Variants in IL18RAP observed in about 807,000 individuals in gnomAD.
The protein encoded by IL18RAP is interleukin 18 receptor accessory protein, also known as interleukin-18 receptor accessory protein.
A neutral mutation model predicts 58.1 loss-of-function variants in IL18RAP; 37 were observed. The ratio of observed to expected loss-of-function variants is 0.64; its 90% CI spans 0.49 to 0.84. IL18RAP has a LOEUF of 0.84. IL18RAP is among the 40% of genes least tolerant of loss of function. The probability of loss-of-function intolerance (pLI) is 0.00; values close to 1 mark genes in which losing one functional copy is unlikely to be tolerated. For synonymous variants in IL18RAP, 268 were observed against 257.5 expected, an observed-to-expected ratio of 1.04 and a Z score of -0.39; for missense variants, 667 against 704.8, an observed-to-expected ratio of 0.95 and a Z score of 0.61.
rs1683462053 is a variant in IL18RAP, at chr2:102,446,999, G to C, written c.1073-71G>C. ...GAAAAGGTGCTGGGTGGGCCATAGC[G>C]CCGGCCTGAACATGGTCTTGGTCCA... On this transcript the variant is annotated intron_variant, in intron 7 of 9. Coordinates refer to ENST00000687160, the MANE Select transcript of IL18RAP (RefSeq NM_001393487.1). 3 of 1,502,460 alleles carry C rather than the reference G, an allele frequency of 2.0e-6. No individual in the cohort carries two copies. In the South Asian group the frequency reaches 3.8e-5, roughly 19 times the overall value. The allele number at this position is 1,502,460 out of a possible 1,614,324, so 93.1% of individuals were successfully genotyped here.
intron 4 of IL18RAP, among the ~76,000 whole-genome samples, chr2:102,438,560 AT>A (rs1415907923): frequency 9.9e-5 from 15 of 152,284 alleles, no homozygotes; most frequent in African/African-American, 3.4e-4. Context: ...GTGATGTGTA[AT>A]TGTTCTTTAA....
At chr2:102,445,495 C>T (rs1251701794) in intron 7 of IL18RAP, among the ~76,000 whole-genome samples, 155 bp downstream of exon 7, 1 of 152,180 alleles carries the variant, frequency 6.6e-6, no homozygotes, top group African/African-American at 2.4e-5. Flanking sequence ...CATTTAATAC[C>T]TTGACCAAAG....
In IL18RAP at chr2:102,445,996, G is replaced by A. The variant is rs186919124; in HGVS notation, c.1072+656G>A. On this transcript the variant is annotated intron_variant, in intron 7 of 9. Transcript: ENST00000687160. ...AACAAGACAAAGTGTGTTCTGGCCTGTAGTAAACGCTCTGTGAAGGGGGTT... is the reference window on the plus strand; with the variant it reads ...AACAAGACAAAGTGTGTTCTGGCCTATAGTAAACGCTCTGTGAAGGGGGTT... Among the ~76,000 whole-genome samples, 302 of 152,372 alleles carry A rather than the reference G, an allele frequency of 2.0e-3. 2 individuals are homozygous for A. Among genetic ancestry groups the A allele is most frequent in the African/African-American group, 6.9e-3 (289 of 41,590 alleles).
chr2:102,422,822 T>C (rs1681659405), upstream of IL18RAP, among the ~76,000 whole-genome samples: 1 of 152,168 alleles, frequency 6.6e-6, no homozygotes, highest in African/African-American at 2.4e-5. Flanking sequence ...CCGTGAAAAA[T>C]CTGACAGTTT....
At chr2:102,429,301 G>C (rs1193738385) in intron 3 of IL18RAP, among the ~76,000 whole-genome samples, 1 of 151,832 alleles carries the variant, frequency 6.6e-6, no homozygotes, top group East Asian at 1.9e-4. Flanking sequence ...AATCTTGGTA[G>C]GTTGTATGTG....
chr2:102,443,430 TA>T (rs1315000684), intron 6 of IL18RAP, 107 bp downstream of exon 6: 29 of 1,302,580 alleles, frequency 2.2e-5, no homozygotes, highest in Non-Finnish European at 2.9e-5. Context: ...CAGCACCGAC[TA>T]GTGGTGAAAA....
chr2:102,441,494 AC>A, intron 5 of IL18RAP, 117 bp downstream of exon 5: 1 of 764,028 alleles, frequency 1.3e-6, no homozygotes, highest in East Asian at 2.7e-5. Context: ...GTGAATCTTA[AC>A]TCAGCCATTG....
At chr2:102,446,975 A>G (rs1294170552) in intron 7 of IL18RAP, 95 bp from the exon 8 acceptor site, 2 of 1,280,954 alleles carry the variant, frequency 1.6e-6, no homozygotes, top group Non-Finnish European at 2.1e-6. Flanking sequence ...ATAGAGCTGG[A>G]AAAGGTGCTG....
intron 7 of IL18RAP, among the ~76,000 whole-genome samples, chr2:102,446,065 C>T (rs1683395745): frequency 6.6e-6 from 1 of 152,078 alleles, no homozygotes; most frequent in Non-Finnish European, 1.5e-5. Flanking sequence ...GTCAGGTAAG[C>T]CAGATGGGAC....
At position 102,429,248 on chromosome 2, in the gene IL18RAP, A is replaced by G. The variant is rs1166404816; in HGVS notation, c.579+4834A>G. 2.6e-5 allele frequency among the ~76,000 whole-genome samples: 4 copies of G among 151,730 alleles called. 1 individual carries two copies. The highest frequency in any genetic ancestry group is 5.9e-5 in the Non-Finnish European group (4 of 67,744). ...GTTTTATTACTGATTCAGTCTCCTTATTCATTATTGGTCTGTTTAGATTTT... is the reference window on the plus strand; with the variant it reads ...GTTTTATTACTGATTCAGTCTCCTTGTTCATTATTGGTCTGTTTAGATTTT... On this transcript the variant is annotated intron_variant, in intron 3 of 9. Coordinates refer to ENST00000687160, the MANE Select transcript of IL18RAP (RefSeq NM_001393487.1).
chr2:102,443,659 G>A (rs956864212), intron 6 of IL18RAP, among the ~76,000 whole-genome samples: 4 of 152,112 alleles, frequency 2.6e-5, no homozygotes, highest in Admixed American at 6.5e-5. Context: ...GGTGCCACCC[G>A]TTCAGAGAGT....
chr2:102,443,364 A>AAG, intron 6 of IL18RAP, 41 bp downstream of exon 6: 3 of 1,599,834 alleles, frequency 1.9e-6, no homozygotes, highest in Non-Finnish European at 2.5e-6. Context: ...TGCAATTCAG[A>AAG]AGAGATACTT....
At chr2:102,445,697 T>C (rs1433972516) in intron 7 of IL18RAP, among the ~76,000 whole-genome samples, 1 of 152,206 alleles carries the variant, frequency 6.6e-6, no homozygotes, top group Admixed American at 6.5e-5. Context: ...TTTCCAATTT[T>C]TCTTTCCTGG....
At chr2:102,425,926 C>T (rs1384563448) in intron 3 of IL18RAP, among the ~76,000 whole-genome samples, 8 of 152,014 alleles carry the variant, frequency 5.3e-5, no homozygotes, top group Non-Finnish European at 1.0e-4. Context: ...TGACTGCAAA[C>T]GTCAACATGT....
chr2:102,428,392 T>TTA (rs58959740), intron 3 of IL18RAP, among the ~76,000 whole-genome samples: 4 of 149,072 alleles, frequency 2.7e-5, no homozygotes, highest in Non-Finnish European at 6.0e-5. Context: ...TTTTTTTTTT[T>TTA]ATAATTTTCA....
chr2:102,419,141 T>C (rs1001288995), upstream of IL18RAP, among the ~76,000 whole-genome samples: 1 of 152,128 alleles, frequency 6.6e-6, no homozygotes, highest in South Asian at 2.1e-4. Context: ...AAACTGATGG[T>C]TATAAAATAA....
intron 6 of IL18RAP, among the ~76,000 whole-genome samples, chr2:102,443,771 T>C (rs2104369408): frequency 6.6e-6 from 1 of 152,186 alleles, no homozygotes; most frequent in Non-Finnish European, 1.5e-5. Flanking sequence ...ATATGTGAAG[T>C]GAGGAATACC....
At chr2:102,426,920 C>T (rs1423623156) in intron 3 of IL18RAP, among the ~76,000 whole-genome samples, 6 of 152,102 alleles carry the variant, frequency 3.9e-5, no homozygotes, top group Admixed American at 3.9e-4. Flanking sequence ...CTTCTCCCCA[C>T]CAATCAAGCC....
chr2:102,430,975 T>C (rs1207290656), intron 3 of IL18RAP, among the ~76,000 whole-genome samples: 1 of 152,186 alleles, frequency 6.6e-6, no homozygotes, highest in Non-Finnish European at 1.5e-5. Context: ...ATACCACCCT[T>C]ACATTATTAA....
Sources: allele counts gnomAD v4.1 joint callset (sites outside exome capture counted in the v4.1 genomes callset), GRCh38; gene constraint gnomAD v4.1.1; transcripts MANE v1.5; gene names NCBI Gene and HGNC (gene_info 2026-07-23, HGNC 2026-07-21).